The following EFHD2 variants were observed in gnomAD, a reference collection of about 807,000 sequenced individuals.
The protein encoded by EFHD2 is EF-hand domain-containing protein D2.
EFHD2 carries 12 observed loss-of-function variants against 20.3 expected under a neutral mutation model. The observed-to-expected ratio is 0.59, with a 90% CI of 0.38 to 0.96. The LOEUF is 0.96. Ranked by LOEUF, EFHD2 falls within the 40% of genes least tolerant of loss-of-function variation. The pLI, the probability that EFHD2 is intolerant of heterozygous loss-of-function variation, is 0.00. For synonymous variants in EFHD2, 131 were observed against 143.9 expected, an observed-to-expected ratio of 0.91 and a Z score of 0.64; for missense variants, 250 against 334.3, an observed-to-expected ratio of 0.75 and a Z score of 1.97.
At chr1:15,418,522 G>C (rs375330049) in intron 1 of EFHD2, among the ~76,000 whole-genome samples, 10 of 149,506 alleles carry the variant, frequency 6.7e-5, no homozygotes, top group East Asian at 2.0e-4. Flanking sequence ...AGCCAGGATG[G>C]TCTCAATCTC....
At chr1:15,418,763 C>T (rs1055920960) in intron 1 of EFHD2, among the ~76,000 whole-genome samples, 4 of 152,198 alleles carry the variant, frequency 2.6e-5, no homozygotes, top group African/African-American at 9.7e-5. Context: ...TCCCTCCCAA[C>T]CCCGAAGTTC....
intron 1 of EFHD2, among the ~76,000 whole-genome samples, chr1:15,423,875 CA>C (rs1021641236): frequency 1.3e-5 from 2 of 152,118 alleles, no homozygotes; most frequent in Non-Finnish European, 1.5e-5. Flanking sequence ...GGGGACTGCA[CA>C]AGCCTTCTTT....
intron 1 of EFHD2, among the ~76,000 whole-genome samples, chr1:15,422,705 CA>C (rs1220872811): frequency 1.3e-5 from 2 of 151,894 alleles, no homozygotes; most frequent in African/African-American, 4.8e-5. Context: ...ACTAAAAATA[CA>C]AAAAATTAGC....
At chr1:15,427,649 A>G (rs981502673) in intron 3 of EFHD2, among the ~76,000 whole-genome samples, 2 of 152,278 alleles carry the variant, frequency 1.3e-5, no homozygotes, top group Admixed American at 6.5e-5. Context: ...CACCAATCCC[A>G]CCAGCCCCAG....
rs764548108 is a variant in EFHD2 at position 15,422,818 on chromosome 1, G to A, written c.309-3053G>A. Among the ~76,000 whole-genome samples, 65 of 151,988 alleles carry A rather than the reference G, an allele frequency of 4.3e-4. 1 individual carries two copies. Among genetic ancestry groups the A allele is most frequent in the Admixed American group, 3.8e-3 (58 of 15,264 alleles). ...AGAGCTTGCAGTGAGCCAAGATTGC[G>A]CCACTGCACTCCAGCCTGGGCGACA... On this transcript the variant is annotated intron_variant, in intron 1 of 3. Coordinates refer to ENST00000375980, the MANE Select transcript of EFHD2 (RefSeq NM_024329.6).
intron 3 of EFHD2, chr1:15,427,821 G>A: frequency 2.2e-6 from 1 of 450,524 alleles, no homozygotes. Context: ...TCCTTGCTAA[G>A]AACATTCCTT....
In EFHD2 at chr1:15,415,934, C is replaced by T. The variant is rs141071275; in HGVS notation, c.308+5655C>T. 2.4e-3 allele frequency among the ~76,000 whole-genome samples: 370 copies of T among 152,238 alleles called. 3 individuals carry two copies. The highest frequency in any genetic ancestry group is 8.5e-3 in the African/African-American group (351 of 41,534). ...GGAGCCCCTGGAGGCCAAGTGAAGC[C>T]GTGTTTGTGGCTGGGGCTTGGGGGA... On this transcript the variant is annotated intron_variant, in intron 1 of 3. Coordinates refer to ENST00000375980, the MANE Select transcript of EFHD2 (RefSeq NM_024329.6).
In EFHD2 at chr1:15,410,023, G is replaced by A. The variant is rs1226410490; in HGVS notation, c.52G>A (p.Gly18Ser). The stretch of plus-strand genomic sequence containing the variant: ...GCTGAGCCGGCGGCTGCAGATGGAG[G>A]GCGAGGGCGGCGGCGAGACCCCGGA... ...TKLSRRLQMEGEGGGETPEQP... is the reference protein window; with the variant it reads ...TKLSRRLQMESEGGGETPEQP... The change falls in exon 1 of 4, where the codon GGC (glycine) becomes AGC (serine). Residue 18 changes from glycine (G) to serine (S), a missense_variant. By Grantham distance (56) the Gly-to-Ser change is moderately conservative. Coordinates refer to ENST00000375980, the MANE Select transcript of EFHD2 (RefSeq NM_024329.6). The A allele has an allele frequency of 2.4e-6, 3 of 1,272,834 alleles. No individual in the cohort carries two copies. Among genetic ancestry groups the A allele is most frequent in the Non-Finnish European group, 3.0e-6 (3 of 1,012,952 alleles). 78.8% of individuals were successfully genotyped at this position (1,272,834 alleles called of 1,614,324 possible).
chr1:15,418,520 T>C (rs868155197), intron 1 of EFHD2, among the ~76,000 whole-genome samples: 2 of 150,758 alleles, frequency 1.3e-5, no homozygotes, highest in East Asian at 2.0e-4. Context: ...TTAGCCAGGA[T>C]GGTCTCAATC....
chr1:15,429,104 C>T lies in EFHD2; in HGVS notation c.*380C>T, dbSNP rs940132036. ...TCCACACATCCCTGTCCCCCCAACC[C>T]GGGAACCCCTGCCCTCCTCCAGCAG... On this transcript the variant is annotated 3_prime_UTR_variant, in exon 4 of 4. Coordinates refer to ENST00000375980, the MANE Select transcript of EFHD2 (RefSeq NM_024329.6). The T allele has an allele frequency of 1.3e-5, 3 of 223,858 alleles. No individual in the cohort carries two copies. Among genetic ancestry groups the T allele is most frequent in the African/African-American group, 2.3e-5 (1 of 43,170 alleles). 13.9% of individuals were successfully genotyped at this position (223,858 alleles called of 1,614,324 possible).
At chr1:15,420,500 C>T (rs1006612803) in intron 1 of EFHD2, among the ~76,000 whole-genome samples, 1 of 146,478 alleles carries the variant, frequency 6.8e-6, no homozygotes. Flanking sequence ...CACCACCACG[C>T]CCAGCTAATT....
At chr1:15,422,418 A>G (rs1038598302) in intron 1 of EFHD2, among the ~76,000 whole-genome samples, 2 of 151,738 alleles carry the variant, frequency 1.3e-5, no homozygotes, top group African/African-American at 4.8e-5. Flanking sequence ...CGGTGGGGCC[A>G]CCCTATGCGC....
chr1:15,410,111 C>T lies in EFHD2; in HGVS notation c.140C>T (p.Ala47Val), dbSNP rs760927252. 2.6e-6 allele frequency: 4 copies of T among 1,541,236 alleles called. No individual in the cohort carries two copies. Among genetic ancestry groups the T allele is most frequent in the African/African-American group, 1.4e-5 (1 of 69,878 alleles). Residue 47 changes from alanine (A) to valine (V), a missense_variant, in exon 1 of 4, where the codon GCG becomes GTG. Ala to Val is a moderately conservative substitution (Grantham distance 64). Transcript: ENST00000375980. ...GGGGCACCCGACGAGGCGGCCGAGGCGCTGGGCAGCGCGGACTGCGAGCTG... is the reference window on the plus strand; with the variant it reads ...GGGGCACCCGACGAGGCGGCCGAGGTGCTGGGCAGCGCGGACTGCGAGCTG... ...AAGAPDEAAE[A>V]LGSADCELSA...
rs1005369023 is a variant in EFHD2, at chr1:15,426,384, C to T, written c.456+366C>T. Among the ~76,000 whole-genome samples, 2 of 152,126 alleles carry T rather than the reference C, an allele frequency of 1.3e-5. No individual in the cohort carries two copies. The highest frequency in any genetic ancestry group is 6.5e-5 in the Admixed American group (1 of 15,270). Reference sequence around the variant, plus strand: ...GAGACACCACAGAAGGAAATCAGGGCTGTGATGCAGAGGAAGAGGGCCACG... The same window carrying T: ...GAGACACCACAGAAGGAAATCAGGGTTGTGATGCAGAGGAAGAGGGCCACG... On this transcript the variant is annotated intron_variant, in intron 2 of 3. Transcript: ENST00000375980. The surrounding 1 kb of genome is among the most constrained non-coding windows in gnomAD (Gnocchi z 4.6).
rs1707872528 is a variant in EFHD2, at chr1:15,426,385, T to C, written c.456+367T>C. On this transcript the variant is annotated intron_variant, in intron 2 of 3. Coordinates refer to ENST00000375980, the MANE Select transcript of EFHD2 (RefSeq NM_024329.6). This position sits in a 1 kb window ranked among gnomAD's most constrained non-coding sequence, Gnocchi z 4.6. ...AGACACCACAGAAGGAAATCAGGGC[T>C]GTGATGCAGAGGAAGAGGGCCACGG... is the stretch of plus-strand genomic sequence containing the variant. Among the ~76,000 whole-genome samples the C allele has an allele frequency of 6.6e-6, 1 of 152,046 alleles. No homozygotes were observed. The highest frequency in any genetic ancestry group is 6.6e-5 in the Admixed American group (1 of 15,264).
At position 15,428,806 on chromosome 1, in the gene EFHD2, G is replaced by A. The variant is rs2103282084; in HGVS notation, c.*82G>A. The A allele has an allele frequency of 2.0e-6, 3 of 1,538,100 alleles. No individual in the cohort carries two copies. The highest frequency in any genetic ancestry group is 4.6e-4 in the Middle Eastern group (2 of 4,304). On this transcript the variant is annotated 3_prime_UTR_variant, in exon 4 of 4. Coordinates refer to ENST00000375980, the MANE Select transcript of EFHD2 (RefSeq NM_024329.6). ...CATGGGAGGCCGAGCCTGAATCCTTGCCTGTGTCTGACGGGACCACTACTA... is the reference window on the plus strand; with the variant it reads ...CATGGGAGGCCGAGCCTGAATCCTTACCTGTGTCTGACGGGACCACTACTA...
At position 15,423,085 on chromosome 1, in the gene EFHD2, C is replaced by T. The variant is rs546226121; in HGVS notation, c.309-2786C>T. Among the ~76,000 whole-genome samples the T allele has an allele frequency of 6.0e-4, 92 of 152,296 alleles. 1 individual carries two copies. The South Asian group carries it at 0.018, about 30-fold the overall frequency. On this transcript the variant is annotated intron_variant, in intron 1 of 3. Coordinates refer to ENST00000375980, the MANE Select transcript of EFHD2 (RefSeq NM_024329.6). ...TGCACAGCCCCACGGTCATGTGGCGCCCGCCCAGCCCTCTACCAGGCAGCA... is the reference window on the plus strand; with the variant it reads ...TGCACAGCCCCACGGTCATGTGGCGTCCGCCCAGCCCTCTACCAGGCAGCA...
At chr1:15,410,887 A>T (rs941606708) in intron 1 of EFHD2, among the ~76,000 whole-genome samples, 1 of 151,822 alleles carries the variant, frequency 6.6e-6, no homozygotes, top group Non-Finnish European at 1.5e-5. Flanking sequence ...GGATCCCCCC[A>T]ACTTCCTCTC....
At position 15,426,444 on chromosome 1, in the gene EFHD2, G is replaced by A. The variant is rs913467994; in HGVS notation, c.456+426G>A. On this transcript the variant is annotated intron_variant, in intron 2 of 3. Coordinates refer to ENST00000375980, the MANE Select transcript of EFHD2 (RefSeq NM_024329.6). This position sits in a 1 kb window ranked among gnomAD's most constrained non-coding sequence, Gnocchi z 4.6. The stretch of plus-strand genomic sequence containing the variant: ...GACTTCACGCCCAGGATCTCACTCC[G>A]AGACAGGAGCTAGGGGCAAGCCGGT... 1.7e-4 allele frequency among the ~76,000 whole-genome samples: 26 copies of A among 152,152 alleles called. No individual in the cohort carries two copies. The highest frequency in any genetic ancestry group is 3.1e-4 in the Non-Finnish European group (21 of 68,030).
Sources: gnomAD v4.1 joint callset for allele counts (sites outside exome capture counted in the v4.1 genomes callset) on GRCh38, gnomAD v4.1.1 for gene constraint, Gnocchi (gnomAD v3.1) non-coding constraint, MANE v1.5 for transcripts, NCBI Gene and HGNC (gene_info 2026-07-23, HGNC 2026-07-21) for gene names.